The following ZNF718 variants were observed in gnomAD, a reference collection of about 807,000 sequenced individuals.
ZNF718 encodes the protein zinc finger protein 718.
A neutral mutation model predicts 2.6 loss-of-function variants in ZNF718; 3 were observed. That is an observed-to-expected ratio of 1.16 (90% CI 0.53 to 3.01). The LOEUF is 3.01. Ranked by LOEUF, ZNF718 falls within the 30% of genes most tolerant of loss-of-function variation. The pLI is 0.03. For synonymous variants in ZNF718, 135 were observed against 77.9 expected (o/e 1.73, Z -3.86); for missense variants, 468 against 230.0 (o/e 2.03, Z -6.69).
At chr4:137,470 A>G (rs1335155029) in intron 3 of ZNF718, among the ~76,000 whole-genome samples, 1 of 152,182 alleles carries the variant, frequency 6.6e-6, no homozygotes, top group Admixed American at 6.6e-5. Context: ...TCTTCCCACC[A>G]GCAGTGCACA....
intron 3 of ZNF718, among the ~76,000 whole-genome samples, chr4:147,088 A>G (rs6827049): frequency 0.04 from 6,164 of 152,216 alleles, 316 homozygotes; most frequent in African/African-American, 0.12. Context: ...CTTTTGCCTC[A>G]GCCTCCCAAT....
In ZNF718 at chr4:161,943, G is replaced by C; in HGVS notation, c.1258G>C (p.Glu420Gln). The stretch of plus-strand genomic sequence containing the variant: ...TAATCATAAGAAAATTCATACTGGA[G>C]AGAAACCCTACATATGTAAACAATG... Reference protein sequence around the residue: ...LHNHKKIHTGEKPYICKQCGK... With the variant: ...LHNHKKIHTGQKPYICKQCGK... Residue 420 changes from glutamate (E) to glutamine (Q), a missense_variant, in exon 4 of 4, where the codon GAG becomes CAG. By Grantham distance (29) the Glu-to-Gln change is conservative. Coordinates refer to ENST00000510175, the MANE Select transcript of ZNF718 (RefSeq NM_001039127.6). 1.3e-6 allele frequency: 1 copy of C among 779,948 alleles called. No homozygotes were observed. The allele number at this position is 779,948 out of a possible 1,614,324, so 48.3% of individuals were successfully genotyped here. A position where few individuals can be genotyped will look rare whatever the true frequency, so the allele number is the denominator to read the frequency against.
intron 3 of ZNF718, among the ~76,000 whole-genome samples, chr4:134,157 T>G (rs1288103010): frequency 6.6e-6 from 1 of 152,060 alleles, no homozygotes; most frequent in Admixed American, 6.6e-5. Context: ...TTTTGTTTTG[T>G]TTTGTTTTTG....
At chr4:174,112 C>T (rs1717300764) in intron 3 of ZNF718, among the ~76,000 whole-genome samples, 1 of 152,104 alleles carries the variant, frequency 6.6e-6, no homozygotes, top group African/African-American at 2.4e-5. Flanking sequence ...TCCTTTGTAT[C>T]TACTCCTCAC....
Position 128,069 on chromosome 4 carries a change from C to A in ZNF718, c.4-2719C>A, listed in dbSNP as rs1450226753. Among the ~76,000 whole-genome samples, 363 of 104,096 alleles carry A rather than the reference C, an allele frequency of 3.5e-3. 111 individuals carry two copies. The highest frequency in any genetic ancestry group is 0.011 in the African/African-American group (323 of 29,952). The allele number at this position is 104,096 out of a possible 152,430, so 68.3% of individuals were successfully genotyped here. A position where few individuals can be genotyped will look rare whatever the true frequency, so the allele number is the denominator to read the frequency against. On this transcript the variant is annotated intron_variant, in intron 1 of 3. Transcript: ENST00000510175. ...GTTGAAGGAGCCTCCATGAGGTGAT[C>A]TCTCCTCTGGTTTTACTCTGCTTAC...
chr4:188,856 A>G (rs879996536), intron 3 of ZNF718, among the ~76,000 whole-genome samples: 13 of 152,094 alleles, frequency 8.5e-5, no homozygotes, highest in Non-Finnish European at 1.6e-4. Flanking sequence ...CTCAAAATCT[A>G]TCCTTATAGT....
rs1716961776 is a variant in ZNF718 at position 162,915 on chromosome 4, T to C, written c.*793T>C. On this transcript the variant is annotated 3_prime_UTR_variant, in exon 4 of 4. Transcript: ENST00000510175. The stretch of plus-strand genomic sequence containing the variant: ...GAAAAAGGCATTAACACTTGAAACA[T>C]TACAGTATATCAGAGTGTAAAGTAT... 6.6e-6 allele frequency: 1 copy of C among 152,186 alleles called. No individual in the cohort carries two copies. The highest frequency in any genetic ancestry group is 1.5e-5 in the Non-Finnish European group (1 of 68,024). 9.4% of individuals were successfully genotyped at this position (152,186 alleles called of 1,614,324 possible). A position where few individuals can be genotyped will look rare whatever the true frequency, so the allele number is the denominator to read the frequency against.
chr4:151,042 CTGTATTTGTTTTCTTT>C (rs1716295199), intron 3 of ZNF718, among the ~76,000 whole-genome samples: 1 of 152,068 alleles, frequency 6.6e-6, no homozygotes, highest in African/African-American at 2.4e-5. Flanking sequence ...AATTTTACAA[CTGTATTTGTTTTCTTT>C]TCTATACAGT....
intron 3 of ZNF718, among the ~76,000 whole-genome samples, chr4:136,155 G>T (rs1291792314): frequency 1.3e-5 from 2 of 152,118 alleles, no homozygotes; most frequent in African/African-American, 4.8e-5. Context: ...AGGCAGTAAG[G>T]CAGGGTTTTG....
At chr4:146,526 A>C (rs993621729) in intron 3 of ZNF718, among the ~76,000 whole-genome samples, 1 of 152,030 alleles carries the variant, frequency 6.6e-6, no homozygotes, top group Non-Finnish European at 1.5e-5. Flanking sequence ...TTTTTTATCA[A>C]GTTCTTCTTG....
chr4:187,110 CTGTT>C (rs782576069), intron 3 of ZNF718, among the ~76,000 whole-genome samples: 3 of 151,914 alleles, frequency 2.0e-5, no homozygotes, highest in Admixed American at 6.6e-5. Context: ...TGTCGTTTGT[CTGTT>C]TGTTTTTCTT....
At chr4:170,178 C>G (rs1553817699) in intron 3 of ZNF718, among the ~76,000 whole-genome samples, 1 of 152,174 alleles carries the variant, frequency 6.6e-6, no homozygotes, top group East Asian at 1.9e-4. Flanking sequence ...TATTGGCCCC[C>G]ACTCTCTTCT....
rs377735431 is a variant in ZNF718, at chr4:179,316, G to T, written c.227-21765G>T. On this transcript the variant is annotated intron_variant and NMD_transcript_variant, in intron 3 of 4. Transcript: ENST00000642529. ...TTGGAATCAGTTTTGACATCATGAG[G>T]TGTGGTACCTCTAACTTTGTTTTTT... 6.0e-4 allele frequency among the ~76,000 whole-genome samples: 91 copies of T among 152,248 alleles called. No homozygotes were observed. In the South Asian group the frequency reaches 0.017, roughly 29 times the overall value.
At chr4:181,821 A>G (rs1581479318) in intron 3 of ZNF718, among the ~76,000 whole-genome samples, 1 of 151,646 alleles carries the variant, frequency 6.6e-6, no homozygotes, top group Non-Finnish European at 1.5e-5. Context: ...ACTTCCTCTC[A>G]CCTTCCATAC....
chr4:197,945 G>A (rs1717825248), intron 3 of ZNF718, among the ~76,000 whole-genome samples: 1 of 152,180 alleles, frequency 6.6e-6, no homozygotes, highest in Non-Finnish European at 1.5e-5. Flanking sequence ...GCTCAGGAGA[G>A]CAGAAAGAAG....
rs533985779 is a variant in ZNF718, at chr4:198,822, G to A, written c.227-2259G>A. On this transcript the variant is annotated intron_variant and NMD_transcript_variant, in intron 3 of 4. Coordinates refer to the ZNF718 transcript ENST00000642529. Reference sequence around the variant, plus strand: ...CTTTTCAAGGACATGTGCCCATCTGGGGTTCAGGCATAATAGTCTATATTA... The same window carrying A: ...CTTTTCAAGGACATGTGCCCATCTGAGGTTCAGGCATAATAGTCTATATTA... 6.7e-3 allele frequency among the ~76,000 whole-genome samples: 1,026 copies of A among 152,256 alleles called. 4 individuals carry two copies. The highest frequency in any genetic ancestry group is 0.011 in the Non-Finnish European group (740 of 68,006).
chr4:166,775 C>G (rs1310273526), downstream of ZNF718, among the ~76,000 whole-genome samples: 1 of 151,992 alleles, frequency 6.6e-6, no homozygotes, highest in Admixed American at 6.6e-5. Context: ...GGGTAGATTG[C>G]AAAAATTTTC....
intron 3 of ZNF718, among the ~76,000 whole-genome samples, chr4:178,160 A>G (rs1717387117): frequency 6.8e-6 from 1 of 148,070 alleles, no homozygotes; most frequent in South Asian, 2.1e-4. Context: ...TTTTTTTGAG[A>G]CAAGATCTGT....
chr4:144,787 CTT>C (rs1304495460), intron 3 of ZNF718, among the ~76,000 whole-genome samples: 4 of 152,180 alleles, frequency 2.6e-5, no homozygotes, highest in East Asian at 1.9e-4. Context: ...GAATTACTCT[CTT>C]GGTTTGATTT....
Sources: allele counts gnomAD v4.1 joint callset (sites outside exome capture counted in the v4.1 genomes callset), GRCh38; gene constraint gnomAD v4.1.1; transcripts MANE v1.5; gene names NCBI Gene and HGNC (gene_info 2026-07-23, HGNC 2026-07-21).